Variants in PCDH15 observed in about 807,000 individuals in gnomAD.
The protein encoded by PCDH15 is protocadherin-15.
Under a neutral mutation model 178.5 loss-of-function variants are expected in PCDH15, and 129 were observed. That is an observed-to-expected ratio of 0.72 (90% confidence interval 0.63 to 0.84). The LOEUF (loss-of-function observed/expected upper bound fraction) is 0.84, where lower values mean the gene tolerates loss of function less well. Among genes scored for constraint, PCDH15 ranks in the 40% least tolerant of loss-of-function variants. PCDH15 has a pLI of 0.00. For missense variants in PCDH15, 2,230 were observed against 2,099.9 expected (o/e 1.06, Z -1.21); for synonymous variants, 800 against 732.0 (o/e 1.09, Z -1.50).
chr10:54,330,143 T>G (rs1939146194), intron 6 of PCDH15, among the ~76,000 whole-genome samples: 1 of 141,922 alleles, frequency 7.0e-6, no homozygotes, highest in Non-Finnish European at 1.5e-5. Flanking sequence ...TTTTAAGTAT[T>G]TTTAAGTATT....
At chr10:54,293,431 C>A (rs2059551900) in intron 8 of PCDH15, among the ~76,000 whole-genome samples, 2 of 152,006 alleles carry the variant, frequency 1.3e-5, no homozygotes, top group African/African-American at 2.4e-5. Context: ...ACTAAGACAC[C>A]AAAAGCAATG....
At chr10:55,511,343 A>C (rs1369358017) in intron 2 of PCDH15, among the ~76,000 whole-genome samples, 1 of 152,060 alleles carries the variant, frequency 6.6e-6, no homozygotes, top group Non-Finnish European at 1.5e-5. Context: ...TGTATGTGCA[A>C]GGTAATGTAA....
At chr10:54,557,253 A>AT (rs2087406998) in intron 2 of PCDH15, among the ~76,000 whole-genome samples, 1 of 152,216 alleles carries the variant, frequency 6.6e-6, no homozygotes, top group Non-Finnish European at 1.5e-5. Flanking sequence ...TTGGACAATG[A>AT]TAAGTCTTTG....
At chr10:55,151,739 T>A (rs1404324055) in intron 2 of PCDH15, among the ~76,000 whole-genome samples, 1 of 152,116 alleles carries the variant, frequency 6.6e-6, no homozygotes, top group African/African-American at 2.4e-5. Context: ...AAAATATAAC[T>A]GACTTTTATT....
chr10:54,541,576 C>T (rs1284198221), intron 2 of PCDH15, among the ~76,000 whole-genome samples: 1 of 152,176 alleles, frequency 6.6e-6, no homozygotes, highest in South Asian at 2.1e-4. Context: ...CAAAATCTTT[C>T]CAAAAGAACT....
chr10:54,987,059 C>T (rs1261032157), intron 2 of PCDH15, among the ~76,000 whole-genome samples: 3 of 152,064 alleles, frequency 2.0e-5, no homozygotes, highest in African/African-American at 4.8e-5. Context: ...TGTTCCCCTC[C>T]CTGTGTCCAT....
chr10:54,535,438 C>T (rs1044101506), intron 2 of PCDH15, among the ~76,000 whole-genome samples: 16 of 152,066 alleles, frequency 1.1e-4, no homozygotes, highest in Admixed American at 5.9e-4. Flanking sequence ...TGGCCGGATG[C>T]GGTGGCTCAC....
At chr10:55,189,926 G>A (rs987062910) in intron 1 of PCDH15, among the ~76,000 whole-genome samples, 10 of 151,540 alleles carry the variant, frequency 6.6e-5, no homozygotes, top group Non-Finnish European at 1.3e-4. Context: ...TGCATGATAC[G>A]GGCACACAAG....
intron 2 of PCDH15, among the ~76,000 whole-genome samples, chr10:54,636,945 A>G (rs1188886633): frequency 1.3e-5 from 2 of 151,940 alleles, no homozygotes; most frequent in Non-Finnish European, 2.9e-5. Context: ...TCATGATGTA[A>G]TATAAGTAAA....
chr10:54,256,469 C>G (rs1482549029), intron 8 of PCDH15, among the ~76,000 whole-genome samples: 1 of 152,156 alleles, frequency 6.6e-6, no homozygotes, highest in Non-Finnish European at 1.5e-5. Flanking sequence ...CTACTTGCAT[C>G]TGGTTCTGTA....
At chr10:55,470,818 C>T (rs960898276) in intron 2 of PCDH15, among the ~76,000 whole-genome samples, 5 of 152,038 alleles carry the variant, frequency 3.3e-5, no homozygotes, top group African/African-American at 7.2e-5. Context: ...ACCAGCTCAT[C>T]CCTCACTGTT....
chr10:54,831,953 G>C (rs1423879697), intron 3 of PCDH15, among the ~76,000 whole-genome samples: 2 of 152,040 alleles, frequency 1.3e-5, no homozygotes, highest in African/African-American at 4.8e-5. Flanking sequence ...AACTAAACTA[G>C]TAACCTGATG....
Position 55,434,177 on chromosome 10 carries a change from T to C in PCDH15, c.-156+193448A>G, listed in dbSNP as rs932103448. On this transcript the variant is annotated intron_variant, in intron 2 of 5. Transcript: ENST00000613346. ...CTCACTGCAAGCTCCGCCTCCCGGG[T>C]TCACGCCATTCTCCTGCCTCAGCCT... Among the ~76,000 whole-genome samples the C allele has an allele frequency of 1.5e-3, 209 of 139,376 alleles. 1 individual carries two copies. The highest frequency in any genetic ancestry group is 5.3e-3 in the African/African-American group (196 of 37,268). 91.4% of individuals were successfully genotyped at this position (139,376 alleles called of 152,430 possible). A position where few individuals can be genotyped will look rare whatever the true frequency, so the allele number is the denominator to read the frequency against.
At chr10:54,453,456 A>G (rs909068744) in intron 3 of PCDH15, among the ~76,000 whole-genome samples, 1 of 152,040 alleles carries the variant, frequency 6.6e-6, no homozygotes, top group African/African-American at 2.4e-5. Context: ...TTGAACAATG[A>G]GAACACATGG....
chr10:54,693,030 C>G (rs1331670174), intron 1 of PCDH15, among the ~76,000 whole-genome samples: 1 of 152,018 alleles, frequency 6.6e-6, no homozygotes, highest in Non-Finnish European at 1.5e-5. Flanking sequence ...GTTCCCTCCC[C>G]TCATACCCTA....
intron 5 of PCDH15, among the ~76,000 whole-genome samples, chr10:54,351,934 C>T (rs563657312): frequency 5.3e-5 from 8 of 152,178 alleles, no homozygotes; most frequent in Admixed American, 2.0e-4. Context: ...CTTATATTCA[C>T]GAAACCGATG....
At chr10:54,792,292 T>G (rs148613383) in intron 1 of PCDH15, among the ~76,000 whole-genome samples, 6 of 152,016 alleles carry the variant, frequency 3.9e-5, no homozygotes, top group African/African-American at 1.2e-4. Flanking sequence ...CACTAGTGAC[T>G]TCAGCAATGT....
At chr10:54,949,676 T>C (rs1459776572) in intron 2 of PCDH15, among the ~76,000 whole-genome samples, 1 of 152,030 alleles carries the variant, frequency 6.6e-6, no homozygotes, top group Non-Finnish European at 1.5e-5. Flanking sequence ...TGCATACAAC[T>C]GAATGCTTTT....
chr10:54,591,547 C>T (rs1356015388), intron 2 of PCDH15, among the ~76,000 whole-genome samples: 5 of 152,118 alleles, frequency 3.3e-5, no homozygotes, highest in Non-Finnish European at 7.3e-5. Context: ...AAGCATGTGA[C>T]TTAGAGAAGT....
Sources: gnomAD v4.1 joint callset for allele counts (sites outside exome capture counted in the v4.1 genomes callset) on GRCh38, gnomAD v4.1.1 for gene constraint, MANE v1.5 for transcripts, NCBI Gene and HGNC (gene_info 2026-07-23, HGNC 2026-07-21) for gene names.